Variants in PTPRD observed in about 807,000 individuals in gnomAD.
PTPRD encodes the protein receptor-type tyrosine-protein phosphatase delta.
PTPRD carries 34 observed loss-of-function variants against 214.5 expected under a neutral mutation model. That is an observed-to-expected ratio of 0.16 (90% CI 0.12 to 0.21). The LOEUF (loss-of-function observed/expected upper bound fraction) is 0.21. PTPRD is among the 10% of genes least tolerant of loss of function. The pLI, the probability that PTPRD is intolerant of heterozygous loss-of-function variation, is 1.00. For synonymous variants in PTPRD, 1,128 were observed against 845.7 expected (o/e 1.33, Z -5.79); for missense variants, 2,545 against 2,398.7 (o/e 1.06, Z -1.27).
intron 9 of PTPRD, among the ~76,000 whole-genome samples, chr9:9,235,580 C>T (rs1217248966): frequency 1.3e-5 from 2 of 152,042 alleles, no homozygotes; most frequent in Non-Finnish European, 2.9e-5. Context: ...GGTATCACCC[C>T]ATTTTTGCCC....
chr9:8,318,314 A>T (rs1461740445), intron 45 of PTPRD, among the ~76,000 whole-genome samples: 2 of 152,146 alleles, frequency 1.3e-5, no homozygotes, highest in Non-Finnish European at 2.9e-5. Context: ...CTTTACAATT[A>T]TCTGCTTATT....
chr9:8,938,256 A>T (rs2099010118), intron 11 of PTPRD, among the ~76,000 whole-genome samples: 3 of 149,104 alleles, frequency 2.0e-5, no homozygotes, highest in Admixed American at 2.0e-4. Flanking sequence ...GGAGAGAAAC[A>T]GAGAGGGGAG....
chr9:9,164,359 T>C (rs551247184), intron 10 of PTPRD, among the ~76,000 whole-genome samples: 19 of 152,268 alleles, frequency 1.2e-4, no homozygotes, highest in Admixed American at 2.6e-4. Context: ...CCCACATTGA[T>C]TTTCTGCCTC....
chr9:9,432,145 A>C (rs936596253), intron 8 of PTPRD, among the ~76,000 whole-genome samples: 15 of 151,438 alleles, frequency 9.9e-5, no homozygotes, highest in Non-Finnish European at 2.2e-4. Context: ...GCATTGTGTG[A>C]GAAAGTTTAA....
chr9:10,511,878 G>GTGTGTGTGTA (rs1555453789), intron 2 of PTPRD, among the ~76,000 whole-genome samples: 11 of 133,818 alleles, frequency 8.2e-5, no homozygotes, highest in African/African-American at 2.6e-4. Flanking sequence ...GTGTGTGTGT[G>GTGTGTGTGTA]TATATACACA....
intron 2 of PTPRD, among the ~76,000 whole-genome samples, chr9:10,422,124 G>A (rs1417806736): frequency 6.6e-6 from 1 of 151,908 alleles, no homozygotes; most frequent in Non-Finnish European, 1.5e-5. Flanking sequence ...ATAGACCAAT[G>A]GAACAGAACA....
chr9:9,685,103 T>G (rs1272429373), intron 7 of PTPRD, among the ~76,000 whole-genome samples: 2 of 151,400 alleles, frequency 1.3e-5, no homozygotes, highest in Non-Finnish European at 3.0e-5. Context: ...AAGTATAAAT[T>G]TAGGTGTGTA....
At chr9:10,092,597 T>C (rs1368048557) in intron 3 of PTPRD, among the ~76,000 whole-genome samples, 2 of 151,262 alleles carry the variant, frequency 1.3e-5, no homozygotes, top group African/African-American at 4.8e-5. Flanking sequence ...TCAACAGAAA[T>C]AGAAAAATGA....
intron 7 of PTPRD, among the ~76,000 whole-genome samples, chr9:9,645,770 T>C (rs1287006098): frequency 2.0e-5 from 3 of 152,126 alleles, no homozygotes; most frequent in Admixed American, 6.6e-5. Context: ...TCCACCATTT[T>C]AACATTCATA....
Position 9,520,262 on chromosome 9 carries a change from A to G in PTPRD, c.-237+54470T>C, listed in dbSNP as rs183063831. 3.8e-4 allele frequency among the ~76,000 whole-genome samples: 56 copies of G among 146,816 alleles called. 2 individuals are homozygous for G. In the East Asian group the frequency reaches 9.6e-3, roughly 25 times the overall value. On this transcript the variant is annotated intron_variant, in intron 8 of 45. Transcript: ENST00000381196. The stretch of plus-strand genomic sequence containing the variant: ...TTTAAATGTAAAAATAGACTCCTAA[A>G]AGTTATATATATATATATATTAAGT...
At chr9:10,273,296 G>T (rs1455959485) in intron 3 of PTPRD, among the ~76,000 whole-genome samples, 1 of 152,106 alleles carries the variant, frequency 6.6e-6, no homozygotes, top group East Asian at 1.9e-4. Context: ...CCACACCATG[G>T]GGTACATATT....
chr9:8,460,345 C>CA, intron 33 of PTPRD, 66 bp downstream of exon 33: 1 of 1,578,742 alleles, frequency 6.3e-7, no homozygotes, highest in Non-Finnish European at 8.7e-7. Flanking sequence ...GACAGCAGAA[C>CA]AATGATCAAG....
intron 11 of PTPRD, among the ~76,000 whole-genome samples, chr9:8,779,844 A>C (rs1268241773): frequency 7.0e-6 from 1 of 142,732 alleles, no homozygotes; most frequent in Non-Finnish European, 1.5e-5. Flanking sequence ...GGTCCTAAGG[A>C]TACTCCTTGG....
At chr9:9,028,868 A>G (rs1247600317) in intron 10 of PTPRD, among the ~76,000 whole-genome samples, 1 of 151,902 alleles carries the variant, frequency 6.6e-6, no homozygotes, top group Non-Finnish European at 1.5e-5. Context: ...ACATATTATT[A>G]GTATTTAATT....
intron 3 of PTPRD, among the ~76,000 whole-genome samples, chr9:10,269,899 G>A (rs771541646): frequency 9.9e-5 from 15 of 151,976 alleles, no homozygotes; most frequent in South Asian, 2.1e-4. Context: ...CTTAGTAAAC[G>A]TTAAATTTGA....
chr9:8,379,476 T>C (rs898283883), intron 37 of PTPRD, among the ~76,000 whole-genome samples: 1 of 152,190 alleles, frequency 6.6e-6, no homozygotes, highest in African/African-American at 2.4e-5. Flanking sequence ...GCTAAACATA[T>C]GATTTCTGAT....
intron 11 of PTPRD, among the ~76,000 whole-genome samples, chr9:8,833,871 T>C (rs1041412599): frequency 6.6e-6 from 1 of 151,996 alleles, no homozygotes; most frequent in Non-Finnish European, 1.5e-5. Flanking sequence ...ATGACAGCTA[T>C]ATACTGTACC....
chr9:9,691,350 A>AT (rs761433822), intron 7 of PTPRD, among the ~76,000 whole-genome samples: 2 of 151,814 alleles, frequency 1.3e-5, no homozygotes, highest in Non-Finnish European at 2.9e-5. Flanking sequence ...CAATTGTTTT[A>AT]TTTTTTAAAC....
At chr9:10,067,982 C>T (rs530102514) in intron 3 of PTPRD, among the ~76,000 whole-genome samples, 18 of 151,988 alleles carry the variant, frequency 1.2e-4, no homozygotes, top group Admixed American at 2.0e-4. Context: ...TAGCTGACTC[C>T]AGCGCCACAC....
Sources: allele counts gnomAD v4.1 joint callset (sites outside exome capture counted in the v4.1 genomes callset), GRCh38; gene constraint gnomAD v4.1.1; transcripts MANE v1.5; gene names NCBI Gene and HGNC (gene_info 2026-07-23, HGNC 2026-07-21).